ADCYAP1R1: variants seen among roughly 807,000 people sequenced by gnomAD.
ADCYAP1R1 encodes ADCYAP receptor type I, also known as pituitary adenylate cyclase-activating polypeptide type I receptor.
A neutral mutation model predicts 67.6 loss-of-function variants in ADCYAP1R1; 44 were observed. The observed-to-expected ratio is 0.65, with a 90% confidence interval of 0.51 to 0.84. ADCYAP1R1 has a LOEUF of 0.84. Among genes scored for constraint, ADCYAP1R1 ranks in the 40% least tolerant of loss-of-function variants. ADCYAP1R1 has a pLI of 0.00. For missense variants in ADCYAP1R1, 477 were observed against 587.9 expected, an observed-to-expected ratio of 0.81 and a Z score of 1.95; for synonymous variants, 222 against 219.6, an observed-to-expected ratio of 1.01 and a Z score of -0.10.
chr7:31,087,028 G>T, intron 11 of ADCYAP1R1, 25 bp downstream of exon 11: 1 of 1,613,648 alleles, frequency 6.2e-7, no homozygotes, highest in East Asian at 2.2e-5. Context: ...GAGAGTCAGG[G>T]CCACAGCACA....
chr7:31,063,566 C>T (rs1018244391), intron 2 of ADCYAP1R1, among the ~76,000 whole-genome samples: 9 of 147,904 alleles, frequency 6.1e-5, no homozygotes, highest in African/African-American at 1.6e-4. Flanking sequence ...TAGAGTTGCA[C>T]AGTACACAAC....
chr7:31,086,489 T>C lies in ADCYAP1R1; in HGVS notation c.775T>C (p.Phe259Leu). The C allele has an allele frequency of 6.2e-7, 1 of 1,614,238 alleles. No homozygotes were observed. The highest frequency in any genetic ancestry group is 8.5e-7 in the Non-Finnish European group (1 of 1,180,040). Residue 259 changes from phenylalanine (F) to leucine (L), a missense_variant, in exon 10 of 16, where the codon TTC becomes CTC. Coordinates refer to ENST00000304166, the MANE Select transcript of ADCYAP1R1 (RefSeq NM_001118.5). The surrounding 1 kb of genome is among the most constrained non-coding windows in gnomAD (Gnocchi z 5.0). ...CCTCTTCACTCTGCTGGTGGAGACC[T>C]TCTTCCCTGAAAGGAGATACTTCTA... is the stretch of plus-strand genomic sequence containing the variant. ...LYLFTLLVET[F>L]FPERRYFYWY...
chr7:31,100,388 C>T (rs1216671383), intron 13 of ADCYAP1R1, among the ~76,000 whole-genome samples: 1 of 120,788 alleles, frequency 8.3e-6, no homozygotes, highest in Non-Finnish European at 1.6e-5. Context: ...GCCTCGTGGT[C>T]ATGGGGTGGG....
At chr7:31,100,418 G>T (rs1051868756) in intron 13 of ADCYAP1R1, among the ~76,000 whole-genome samples, 1 of 152,054 alleles carries the variant, frequency 6.6e-6, no homozygotes, top group Non-Finnish European at 1.5e-5. Context: ...TGTGGGGATG[G>T]ATCTACGGCC....
At chr7:31,066,175 G>A (rs1794730546) in intron 3 of ADCYAP1R1, among the ~76,000 whole-genome samples, 1 of 152,228 alleles carries the variant, frequency 6.6e-6, no homozygotes, top group East Asian at 1.9e-4. Context: ...GCCGAGCCCT[G>A]AGGGCAGGGA....
At chr7:31,104,742 C>A in intron 14 of ADCYAP1R1, 126 bp from the exon 15 acceptor site, 1 of 1,076,360 alleles carries the variant, frequency 9.3e-7, no homozygotes, top group Non-Finnish European at 1.4e-6. Flanking sequence ...CCCCAGATCC[C>A]TGGGCAGGTG....
Position 31,107,518 on chromosome 7 carries a change from G to A in ADCYAP1R1, c.*834G>A, listed in dbSNP as rs1356880411. The A allele has an allele frequency of 1.3e-5, 2 of 152,232 alleles. No homozygotes were observed. The highest frequency in any genetic ancestry group is 1.3e-4 in the Admixed American group (2 of 15,276). The allele number at this position is 152,232 out of a possible 1,614,324, so 9.4% of individuals were successfully genotyped here. On this transcript the variant is annotated 3_prime_UTR_variant, in exon 16 of 16. Transcript: ENST00000304166. ...TTACCCCCAGCTCAAGATGGACAGG[G>A]TTCTTCTGGTCATCTCCCTTCCACC... is the stretch of plus-strand genomic sequence containing the variant.
rs372374317 is a variant in ADCYAP1R1, at chr7:31,064,969, C to G, written c.157+33C>G. 1.1e-5 allele frequency: 16 copies of G among 1,511,396 alleles called. No individual in the cohort carries two copies. The African/African-American group carries it at 2.2e-4, about 21-fold the overall frequency. The allele number at this position is 1,511,396 out of a possible 1,614,324, so 93.6% of individuals were successfully genotyped here. Reference sequence around the variant, plus strand: ...GGGCGGCAGGGAGCATGCCACGTCCCCAGTGCCAGCTTTTAGAACTGTTTT... The same window carrying G: ...GGGCGGCAGGGAGCATGCCACGTCCGCAGTGCCAGCTTTTAGAACTGTTTT... On this transcript the variant is annotated intron_variant, in intron 3 of 15. Transcript: ENST00000304166.
intron 12 of ADCYAP1R1, among the ~76,000 whole-genome samples, chr7:31,090,678 TTC>T (rs941448434): frequency 2.6e-5 from 4 of 152,264 alleles, no homozygotes; most frequent in African/African-American, 9.6e-5. Flanking sequence ...TATTTGGTTT[TTC>T]TGTTTCTCTG....
chr7:31,054,205 C>T (rs1255966061), intron 1 of ADCYAP1R1, among the ~76,000 whole-genome samples: 5 of 152,094 alleles, frequency 3.3e-5, no homozygotes, highest in Admixed American at 1.3e-4. Context: ...TGTGGGGTGA[C>T]GATGGAGGCG....
chr7:31,096,598 T>G (rs2128636372), intron 13 of ADCYAP1R1, among the ~76,000 whole-genome samples: 1 of 152,196 alleles, frequency 6.6e-6, no homozygotes, highest in East Asian at 1.9e-4. Context: ...TGAGCTAGGG[T>G]GCCCAGACTT....
chr7:31,087,556 G>A, intron 11 of ADCYAP1R1, 71 bp from the exon 12 acceptor site: 1 of 1,400,282 alleles, frequency 7.1e-7, no homozygotes, highest in Admixed American at 1.7e-5. Flanking sequence ...AGCTAGGCAG[G>A]GCAGTGTCCC....
chr7:31,054,819 A>G (rs1433739727), intron 1 of ADCYAP1R1, among the ~76,000 whole-genome samples: 1 of 152,172 alleles, frequency 6.6e-6, no homozygotes, highest in Non-Finnish European at 1.5e-5. Context: ...CTGACACTGG[A>G]GGTGACAATG....
chr7:31,065,391 G>C (rs931615594), intron 3 of ADCYAP1R1, among the ~76,000 whole-genome samples: 4 of 152,196 alleles, frequency 2.6e-5, no homozygotes, highest in African/African-American at 9.7e-5. Context: ...GCAGCAGCAG[G>C]AACTTCAGTC....
rs1796746593 is a variant in ADCYAP1R1 at position 31,108,796 on chromosome 7, G to GATGCTGTTT, written c.*2115_*2123dup. 6.6e-6 allele frequency: 1 copy of GATGCTGTTT among 151,598 alleles called. No homozygotes were observed. Among genetic ancestry groups the GATGCTGTTT allele is most frequent in the Non-Finnish European group, 1.5e-5 (1 of 68,024 alleles). The allele number at this position is 151,598 out of a possible 1,614,324, so 9.4% of individuals were successfully genotyped here. A position where few individuals can be genotyped will look rare whatever the true frequency, so the allele number is the denominator to read the frequency against. On this transcript the variant is annotated 3_prime_UTR_variant, in exon 16 of 16. Coordinates refer to ENST00000304166, the MANE Select transcript of ADCYAP1R1 (RefSeq NM_001118.5). ...TGTGTGTGTGTAGAGGGATGGACAG[G>GATGCTGTTT]ATGCTGTTTATTTTCCCTTTCTTGG...
At position 31,084,773 on chromosome 7, in the gene ADCYAP1R1, G is replaced by A; in HGVS notation, c.475G>A (p.Val159Ile). 6.2e-7 allele frequency: 1 copy of A among 1,614,126 alleles called. No individual in the cohort carries two copies. The highest frequency in any genetic ancestry group is 8.5e-7 in the Non-Finnish European group (1 of 1,180,008). The change falls in exon 8 of 16, where the codon GTT becomes ATT. Residue 159 changes from valine (V) to isoleucine (I), a missense_variant. Val to Ile is a conservative substitution (Grantham distance 29). Transcript: ENST00000304166. ...YYLSVKALYT[V>I]GYSTSLVTLT... is the part of the protein sequence containing the mutation. ...CCTGTCAGTGAAGGCCCTCTACACG[G>A]TTGGCTACAGCACATCCCTCGTCAC...
At chr7:31,068,753 G>A (rs953786115) in intron 3 of ADCYAP1R1, among the ~76,000 whole-genome samples, 4 of 152,182 alleles carry the variant, frequency 2.6e-5, no homozygotes, top group Admixed American at 2.0e-4. Context: ...CTTTGGGGCT[G>A]TTGTCTGAAG....
At chr7:31,103,136 G>A in intron 13 of ADCYAP1R1, 101 bp from the exon 14 acceptor site, 1 of 1,497,392 alleles carries the variant, frequency 6.7e-7, no homozygotes, top group Admixed American at 2.0e-5. Flanking sequence ...GCCCCAGCTT[G>A]GAGGGAGAAT....
intron 13 of ADCYAP1R1, among the ~76,000 whole-genome samples, chr7:31,099,910 G>A (rs149011220): frequency 1.1e-4 from 17 of 152,322 alleles, no homozygotes; most frequent in Non-Finnish European, 8.8e-5. Flanking sequence ...TCGTGCGTGT[G>A]TGCGTGTGCA....
Sources: allele counts gnomAD v4.1 joint callset (sites outside exome capture counted in the v4.1 genomes callset), GRCh38; gene constraint gnomAD v4.1.1; non-coding constraint Gnocchi (gnomAD v3.1); transcripts MANE v1.5; gene names NCBI Gene and HGNC (gene_info 2026-07-23, HGNC 2026-07-21).